Variants in STARD13 observed in about 807,000 individuals in gnomAD.
STARD13 encodes the protein StAR related lipid transfer domain containing 13, also known as stAR-related lipid transfer protein 13.
In STARD13, 62 loss-of-function variants were observed where a neutral mutation model predicts 106.4. That is an observed-to-expected ratio of 0.58 (90% CI 0.48 to 0.72). The LOEUF is 0.72. Among genes scored for constraint, STARD13 ranks in the 30% least tolerant of loss-of-function variants. STARD13 has a pLI of 0.00. For synonymous variants in STARD13, 565 were observed against 553.0 expected, an observed-to-expected ratio of 1.02 and a Z score of -0.31; for missense variants, 1,387 against 1,424.0, an observed-to-expected ratio of 0.97 and a Z score of 0.42.
At chr13:33,456,241 T>C in the STARD13 span, among the ~76,000 whole-genome samples, 67 of 152,228 alleles carry the variant, frequency 4.4e-4, no homozygotes, top group African/African-American at 1.6e-3. Flanking sequence ...CCAGGCTGGA[T>C]AGCAATGGCA....
chr13:33,433,575 A>G, the STARD13 span, among the ~76,000 whole-genome samples: 1 of 152,162 alleles, frequency 6.6e-6, no homozygotes, highest in Non-Finnish European at 1.5e-5. Flanking sequence ...GGGCCCCTTC[A>G]GTATGACTAC....
At chr13:33,351,661 A>G (rs1271419034), upstream of STARD13, among the ~76,000 whole-genome samples, 2 of 152,208 alleles carry the variant, frequency 1.3e-5, no homozygotes, top group Admixed American at 6.5e-5. Flanking sequence ...AAATTTTTCA[A>G]AAGGAATTTC....
intron 1 of STARD13, among the ~76,000 whole-genome samples, chr13:33,244,693 T>C (rs1002120925): frequency 6.6e-6 from 1 of 152,046 alleles, no homozygotes; most frequent in Non-Finnish European, 1.5e-5. Flanking sequence ...AGAGACCACA[T>C]GTAGAGAAAG....
intron 1 of STARD13, among the ~76,000 whole-genome samples, chr13:33,261,476 T>C (rs1288738539): frequency 3.9e-5 from 6 of 152,228 alleles, no homozygotes; most frequent in African/African-American, 1.4e-4. Flanking sequence ...ATATCATTTA[T>C]AGAAACTATT....
the STARD13 span, among the ~76,000 whole-genome samples, chr13:33,628,859 C>T: frequency 1.3e-5 from 2 of 152,216 alleles, no homozygotes; most frequent in Admixed American, 1.3e-4. Flanking sequence ...CACCAGAGTT[C>T]CAACCCTGAG....
chr13:33,522,260 G>T, the STARD13 span, among the ~76,000 whole-genome samples: 1 of 151,912 alleles, frequency 6.6e-6, no homozygotes, highest in South Asian at 2.1e-4. Context: ...TAAGAGAAAG[G>T]TACGGACATT....
intron 1 of STARD13, among the ~76,000 whole-genome samples, chr13:33,205,615 G>C (rs1887361763): frequency 6.6e-6 from 1 of 152,214 alleles, no homozygotes; most frequent in Admixed American, 6.5e-5. Flanking sequence ...ACTGTAACTT[G>C]CAAATGTTTC....
chr13:33,445,883 T>A, the STARD13 span, among the ~76,000 whole-genome samples: 1 of 152,164 alleles, frequency 6.6e-6, no homozygotes, highest in African/African-American at 2.4e-5. Flanking sequence ...GGGATCTGCC[T>A]CTGTGACCCA....
chr13:33,215,939 T>C (rs898681830), intron 1 of STARD13, among the ~76,000 whole-genome samples: 5 of 152,106 alleles, frequency 3.3e-5, no homozygotes, highest in Admixed American at 6.6e-5. Flanking sequence ...GATATACAAA[T>C]GGCCAACAAA....
intron 1 of STARD13, among the ~76,000 whole-genome samples, chr13:33,320,650 C>A (rs1398391883): frequency 1.3e-5 from 2 of 152,096 alleles, no homozygotes; most frequent in Non-Finnish European, 2.9e-5. Context: ...AATCATATTT[C>A]TACCCACAGA....
At chr13:33,427,231 A>G in the STARD13 span, among the ~76,000 whole-genome samples, 3 of 152,200 alleles carry the variant, frequency 2.0e-5, no homozygotes, top group Non-Finnish European at 4.4e-5. Flanking sequence ...CTTAATCACA[A>G]GGCTAGTTAA....
the STARD13 span, among the ~76,000 whole-genome samples, chr13:33,536,899 A>G: frequency 6.6e-6 from 1 of 152,184 alleles, no homozygotes; most frequent in Admixed American, 6.5e-5. Context: ...CTGCCTCATT[A>G]TATTGTTCTA....
chr13:33,627,109 T>C, the STARD13 span, among the ~76,000 whole-genome samples: 2 of 152,340 alleles, frequency 1.3e-5, no homozygotes, highest in African/African-American at 4.8e-5. Context: ...TATTTTATTG[T>C]ATATTTTCTG....
At chr13:33,564,000 T>C in the STARD13 span, among the ~76,000 whole-genome samples, 1 of 146,510 alleles carries the variant, frequency 6.8e-6, no homozygotes, top group African/African-American at 2.6e-5. Flanking sequence ...AATACCAGCC[T>C]GGCCAACATG....
the STARD13 span, among the ~76,000 whole-genome samples, chr13:33,566,823 C>G: frequency 6.8e-6 from 1 of 148,124 alleles, no homozygotes; most frequent in African/African-American, 2.5e-5. Context: ...AAATTCCATC[C>G]TTCCATAGTC....
At chr13:33,535,616 C>A in the STARD13 span, among the ~76,000 whole-genome samples, 3 of 152,044 alleles carry the variant, frequency 2.0e-5, no homozygotes, top group Non-Finnish European at 4.4e-5. Context: ...AGGCCTGCTC[C>A]AAAGGAGGAG....
At chr13:33,648,147 A>G in the STARD13 span, among the ~76,000 whole-genome samples, 2 of 152,346 alleles carry the variant, frequency 1.3e-5, no homozygotes, top group African/African-American at 4.8e-5. Flanking sequence ...TATAAACACT[A>G]AAAAGGCATA....
chr13:33,670,930 C>T, the STARD13 span, among the ~76,000 whole-genome samples: 7 of 152,254 alleles, frequency 4.6e-5, no homozygotes, highest in East Asian at 7.7e-4. Context: ...TATTGTTTCC[C>T]GTTAATTTGC....
chr13:33,406,890 C>T, the STARD13 span, among the ~76,000 whole-genome samples: 2 of 152,142 alleles, frequency 1.3e-5, no homozygotes, highest in African/African-American at 4.8e-5. Context: ...CCACAAATGA[C>T]TGTAAAAGCA....
Sources: gnomAD v4.1 joint callset for allele counts (sites outside exome capture counted in the v4.1 genomes callset) on GRCh38, gnomAD v4.1.1 for gene constraint, MANE v1.5 for transcripts, NCBI Gene and HGNC (gene_info 2026-07-23, HGNC 2026-07-21) for gene names.